HERC2: variants seen among roughly 807,000 people sequenced by gnomAD.
The protein encoded by HERC2 is E3 ubiquitin-protein ligase HERC2.
A neutral mutation model predicts 537.7 loss-of-function variants in HERC2; 102 were observed. The observed-to-expected ratio is 0.19, with a 90% confidence interval of 0.16 to 0.22. The LOEUF is 0.22. Ranked by LOEUF, HERC2 falls within the 10% of genes least tolerant of loss-of-function variation. The pLI, the probability that HERC2 is intolerant of heterozygous loss-of-function variation, is 1.00. For missense variants in HERC2, 4,236 were observed against 6,198.2 expected (o/e 0.68, Z 10.63); for synonymous variants, 2,224 against 2,466.2 (o/e 0.90, Z 2.91).
intron 20 of HERC2, among the ~76,000 whole-genome samples, chr15:28,251,488 C>A (rs79846789): frequency 1.1e-4 from 16 of 144,734 alleles, no homozygotes; most frequent in South Asian, 6.7e-4. Flanking sequence ...AAAAAAAAAA[C>A]AAAAAAACAC....
chr15:28,175,727 A>G (rs1895221016), intron 63 of HERC2, 71 bp from the exon 64 acceptor site: 1 of 1,476,408 alleles, frequency 6.8e-7, no homozygotes, highest in Non-Finnish European at 9.4e-7. Context: ...GAAGACACTC[A>G]TTGTCTCACA....
chr15:28,112,051 A>G lies in HERC2; in HGVS notation c.14233-16T>C, dbSNP rs1319654759. On this transcript the variant is annotated splice_polypyrimidine_tract_variant and intron_variant, in intron 92 of 92. Coordinates refer to ENST00000261609, the MANE Select transcript of HERC2 (RefSeq NM_004667.6). ...TATCCAACACCTGTTGAGCAGAAAC[A>G]TGAAGTGATTAGAAATTGAGTACGG... 1.2e-6 allele frequency: 2 copies of G among 1,610,278 alleles called. No individual in the cohort carries two copies. The highest frequency in any genetic ancestry group is 2.7e-5 in the African/African-American group (2 of 74,832).
At chr15:28,135,911 A>G (rs112492297) in intron 78 of HERC2, among the ~76,000 whole-genome samples, 6 of 152,360 alleles carry the variant, frequency 3.9e-5, no homozygotes, top group African/African-American at 1.4e-4. Flanking sequence ...CCAAATTCAG[A>G]AAACATATTG....
Position 28,169,658 on chromosome 15 carries a change from A to G in HERC2, c.10058-3T>C. 3.8e-6 allele frequency: 6 copies of G among 1,596,450 alleles called. No individual in the cohort carries two copies. The highest frequency in any genetic ancestry group is 1.8e-5 in the Admixed American group (1 of 55,112). Reference sequence around the variant, plus strand: ...AGAATCAGCATCTGAAGGCACGCCTATAAGAGGAAAATAAAATTTGCATTG... The same window carrying G: ...AGAATCAGCATCTGAAGGCACGCCTGTAAGAGGAAAATAAAATTTGCATTG... On this transcript the variant is annotated splice_region_variant and splice_polypyrimidine_tract_variant and intron_variant, in intron 65 of 92. Transcript: ENST00000261609.
At chr15:28,321,076 T>G (rs2077215478) in intron 2 of HERC2, among the ~76,000 whole-genome samples, 1 of 151,970 alleles carries the variant, frequency 6.6e-6, no homozygotes, top group Non-Finnish European at 1.5e-5. Flanking sequence ...TGGTTAGGAG[T>G]GTGGCAGATT....
At chr15:28,182,655 A>T (rs73362608) in intron 56 of HERC2, 143 bp from the exon 57 acceptor site, 88,908 of 656,564 alleles carry the variant, frequency 0.14, 13,653 homozygotes, top group African/African-American at 0.5. Flanking sequence ...TTTAATAGAA[A>T]AAAACCTCAA....
chr15:28,237,855 T>C (rs78699119), intron 25 of HERC2, among the ~76,000 whole-genome samples: 13,517 of 152,266 alleles, frequency 0.089, 1,071 homozygotes, highest in East Asian at 0.42. Flanking sequence ...GTTTAACCTC[T>C]TTTCTTGTGG....
rs146366728 is a variant in HERC2, at chr15:28,198,757, C to T, written c.7729G>A (p.Val2577Ile). ...VRENIQVGMM[V>I]RCCRAYEEVC... ...TCTTCATACGCTCGGCAGCATCTAA[C>T]CATCATTCCCACCTAGAATTAAAAT... The change falls in exon 49 of 93, where the codon GTT (valine) becomes ATT (isoleucine). Residue 2577 changes from valine to isoleucine, a missense_variant. By Grantham distance (29) the Val-to-Ile change is conservative. Coordinates refer to ENST00000261609, the MANE Select transcript of HERC2 (RefSeq NM_004667.6). 2.2e-4 allele frequency: 347 copies of T among 1,611,608 alleles called. 3 individuals are homozygous for T. In the African/African-American group the frequency reaches 3.9e-3, roughly 18 times the overall value.
intron 2 of HERC2, among the ~76,000 whole-genome samples, chr15:28,315,278 G>A (rs992778288): frequency 5.3e-5 from 8 of 152,216 alleles, no homozygotes; most frequent in South Asian, 2.1e-4. Context: ...ACCCACACTC[G>A]CCACACCTTC....
chr15:28,149,878 A>G (rs1892232134), intron 70 of HERC2, among the ~76,000 whole-genome samples: 1 of 152,076 alleles, frequency 6.6e-6, no homozygotes, highest in Admixed American at 6.6e-5. Flanking sequence ...ATTACCAAAA[A>G]AACACATGCG....
Position 28,257,054 on chromosome 15 carries a change from T to C in HERC2, c.2517+7A>G. 1.2e-6 allele frequency: 2 copies of C among 1,610,390 alleles called. No homozygotes were observed. The highest frequency in any genetic ancestry group is 1.7e-6 in the Non-Finnish European group (2 of 1,176,942). On this transcript the variant is annotated splice_region_variant and intron_variant, in intron 17 of 92. Transcript: ENST00000261609. ...AAAGGAGGAAGAAGAAGGGAAATCA[T>C]GAATACCTGAAGTCGTAGAAGATTC...
At chr15:28,127,195 CG>C (rs1180608730) in intron 83 of HERC2, among the ~76,000 whole-genome samples, 1 of 152,186 alleles carries the variant, frequency 6.6e-6, no homozygotes, top group Non-Finnish European at 1.5e-5. Flanking sequence ...AGCCACGAGG[CG>C]GGTGTCGCAC....
At chr15:28,295,743 A>C (rs887029347) in intron 3 of HERC2, among the ~76,000 whole-genome samples, 47 of 152,274 alleles carry the variant, frequency 3.1e-4, no homozygotes, top group African/African-American at 9.6e-4. Flanking sequence ...TCAAAAGAAA[A>C]ACAGTATTTT....
At chr15:28,200,244 A>T (rs932569249) in intron 48 of HERC2, among the ~76,000 whole-genome samples, 6 of 152,160 alleles carry the variant, frequency 3.9e-5, no homozygotes, top group African/African-American at 1.4e-4. Context: ...TAAAAATATA[A>T]AATTAACCAG....
At chr15:28,231,972 G>T (rs1321921849) in intron 30 of HERC2, among the ~76,000 whole-genome samples, 5 of 152,074 alleles carry the variant, frequency 3.3e-5, no homozygotes, top group African/African-American at 9.7e-5. Context: ...TCTCCCTCAT[G>T]CCGAGGCAGC....
At chr15:28,261,382 A>G (rs1293644053) in intron 15 of HERC2, among the ~76,000 whole-genome samples, 1 of 152,238 alleles carries the variant, frequency 6.6e-6, no homozygotes, top group Non-Finnish European at 1.5e-5. Flanking sequence ...TCAGTTAGAT[A>G]TAACTGATAT....
intron 23 of HERC2, among the ~76,000 whole-genome samples, chr15:28,243,333 G>A (rs1567061218): frequency 6.6e-6 from 1 of 152,114 alleles, no homozygotes; most frequent in African/African-American, 2.4e-5. Flanking sequence ...GAAAATCTGG[G>A]TAAGAAAAAG....
chr15:28,298,383 A>C (rs2076528789), intron 3 of HERC2: 1 of 149,158 alleles, frequency 6.7e-6, no homozygotes, highest in South Asian at 2.2e-4. Context: ...TCAAACTCCC[A>C]ACCTCAAATG....
chr15:28,311,076 CAAAAAAAA>C (rs71132854), intron 2 of HERC2, among the ~76,000 whole-genome samples: 1 of 29,294 alleles, frequency 3.4e-5, no homozygotes, highest in African/African-American at 1.3e-4. Context: ...GACTGCATCT[CAAAAAAAA>C]AAAAAAAAAA....
Sources: allele counts gnomAD v4.1 joint callset (sites outside exome capture counted in the v4.1 genomes callset), GRCh38; gene constraint gnomAD v4.1.1; transcripts MANE v1.5; gene names NCBI Gene and HGNC (gene_info 2026-07-23, HGNC 2026-07-21).